Variants in LDB2 observed in about 807,000 individuals in gnomAD.
The protein encoded by LDB2 is LIM domain binding 2, also known as LIM domain-binding protein 2.
In LDB2, 12 loss-of-function variants were observed where a neutral mutation model predicts 44.3. The ratio of observed to expected loss-of-function variants is 0.27; its 90% confidence interval spans 0.17 to 0.44. The LOEUF (loss-of-function observed/expected upper bound fraction) is 0.44, where lower values mean the gene tolerates loss of function less well. Ranked by LOEUF, LDB2 falls within the 20% of genes least tolerant of loss-of-function variation. LDB2 has a pLI of 1.00. For synonymous variants in LDB2, 164 were observed against 174.8 expected (o/e 0.94, Z 0.49); for missense variants, 344 against 473.5 (o/e 0.73, Z 2.54).
At chr4:16,561,440 C>G (rs1222621253) in intron 5 of LDB2, among the ~76,000 whole-genome samples, 3 of 151,998 alleles carry the variant, frequency 2.0e-5, no homozygotes, top group African/African-American at 4.8e-5. Context: ...AAACAGAGAG[C>G]CAAAACATGA....
rs188872251 is a variant in LDB2 at position 16,880,516 on chromosome 4, G to A, written c.132+17838C>T. ...CTGTGCCTGAAAAGAGAGGAACAGC[G>A]CTTGTCTGCATGGTGCTTATAGTTA... On this transcript the variant is annotated intron_variant, in intron 1 of 7. Coordinates refer to ENST00000304523, the MANE Select transcript of LDB2 (RefSeq NM_001290.5). 5.3e-5 allele frequency among the ~76,000 whole-genome samples: 8 copies of A among 152,258 alleles called. No homozygotes were observed. The South Asian group carries it at 6.2e-4, about 12-fold the overall frequency.
At chr4:16,896,392 A>G (rs1725010233) in intron 1 of LDB2, among the ~76,000 whole-genome samples, 1 of 152,082 alleles carries the variant, frequency 6.6e-6, no homozygotes, top group African/African-American at 2.4e-5. Context: ...CAAACCTGGG[A>G]CCATATTGAA....
rs1413287654 is a variant in LDB2, at chr4:16,749,586, A to AT, written c.235+9571_235+9572insA. 2.3e-3 allele frequency among the ~76,000 whole-genome samples: 317 copies of AT among 135,442 alleles called. 2 individuals are homozygous for AT. Among genetic ancestry groups the AT allele is most frequent in the South Asian group, 6.1e-3 (24 of 3,966 alleles). 88.9% of individuals were successfully genotyped at this position (135,442 alleles called of 152,430 possible). On this transcript the variant is annotated intron_variant, in intron 2 of 7. Coordinates refer to ENST00000304523, the MANE Select transcript of LDB2 (RefSeq NM_001290.5). Reference sequence around the variant, plus strand: ...AAAAAAAAAAAATAAAAAAATAAAAAAAAATATATATATATATATATGAGT... The same window carrying AT: ...AAAAAAAAAAAATAAAAAAATAAAAATAAAATATATATATATATATATGAGT...
At chr4:16,573,191 G>A (rs1044253556) in intron 5 of LDB2, among the ~76,000 whole-genome samples, 11 of 152,194 alleles carry the variant, frequency 7.2e-5, no homozygotes, top group African/African-American at 2.7e-4. Flanking sequence ...ATTCCATTAG[G>A]TGCATATAGT....
At chr4:16,898,267 C>A in intron 1 of LDB2, 87 bp downstream of exon 1, 1 of 1,337,806 alleles carries the variant, frequency 7.5e-7, no homozygotes. Context: ...GGACACTTCC[C>A]ATAGAATTCA....
At chr4:16,620,964 G>A (rs1014893164) in intron 2 of LDB2, among the ~76,000 whole-genome samples, 12 of 152,076 alleles carry the variant, frequency 7.9e-5, no homozygotes, top group Non-Finnish European at 1.0e-4. Flanking sequence ...GCTTTATCAC[G>A]GTGTCCTTTG....
At chr4:16,701,793 T>C (rs906185885) in intron 2 of LDB2, among the ~76,000 whole-genome samples, 1 of 152,184 alleles carries the variant, frequency 6.6e-6, no homozygotes, top group Non-Finnish European at 1.5e-5. Context: ...AAACTTTCCA[T>C]GTCATGTTTT....
chr4:16,766,464 ATATATGTGTG>A (rs1180912535), intron 1 of LDB2, among the ~76,000 whole-genome samples: 1 of 14,798 alleles, frequency 6.8e-5, no homozygotes, highest in African/African-American at 1.5e-4. Context: ...ATACACACAC[ATATATGTGTG>A]TGTGTGTGTG....
chr4:16,669,276 T>G (rs967729201), intron 2 of LDB2, among the ~76,000 whole-genome samples: 13 of 152,236 alleles, frequency 8.5e-5, no homozygotes, highest in African/African-American at 3.1e-4. Context: ...CAGTTCTTGT[T>G]CCTTGCCCTA....
intron 1 of LDB2, among the ~76,000 whole-genome samples, chr4:16,835,001 C>A (rs951890003): frequency 3.3e-5 from 5 of 152,078 alleles, no homozygotes; most frequent in Admixed American, 2.0e-4. Flanking sequence ...GAGGAAATAC[C>A]TTGTCCCAAA....
intron 1 of LDB2, among the ~76,000 whole-genome samples, chr4:16,872,921 C>A (rs993187478): frequency 3.3e-5 from 5 of 152,166 alleles, no homozygotes; most frequent in African/African-American, 1.2e-4. Flanking sequence ...CTGTCCAGAT[C>A]ATTGTCGGGG....
intron 1 of LDB2, among the ~76,000 whole-genome samples, chr4:16,791,558 A>AAAAAAAAAAAAAG (rs1775749382): frequency 6.7e-6 from 1 of 149,032 alleles, no homozygotes; most frequent in Non-Finnish European, 1.5e-5. Context: ...CTGGCTCAGA[A>AAAAAAAAAAAAAG]AAAAAAAAAA....
At chr4:16,525,263 T>C (rs961437095) in intron 5 of LDB2, among the ~76,000 whole-genome samples, 1 of 152,202 alleles carries the variant, frequency 6.6e-6, no homozygotes, top group Non-Finnish European at 1.5e-5. Context: ...TTCTCTCTCT[T>C]GGTTCTGGGC....
rs1721009811 is a variant in LDB2, at chr4:16,596,658, A to C, written c.236-783T>G. 2.0e-5 allele frequency among the ~76,000 whole-genome samples: 3 copies of C among 152,320 alleles called. No individual in the cohort carries two copies. In the South Asian group the frequency reaches 6.2e-4, roughly 32 times the overall value. ...ATTCTATCTGCTTTTGGAGCTGTGT[A>C]AGATCTCTCTCTAGAATAAAAGGCT... On this transcript the variant is annotated intron_variant, in intron 2 of 7. Coordinates refer to ENST00000304523, the MANE Select transcript of LDB2 (RefSeq NM_001290.5).
At chr4:16,673,388 G>A (rs1032750707) in intron 2 of LDB2, among the ~76,000 whole-genome samples, 7 of 152,158 alleles carry the variant, frequency 4.6e-5, no homozygotes, top group Non-Finnish European at 1.0e-4. Context: ...GAACTCCAAA[G>A]TCAAGGTTAC....
chr4:16,563,529 A>C (rs1401385566), intron 5 of LDB2, among the ~76,000 whole-genome samples: 1 of 138,934 alleles, frequency 7.2e-6, no homozygotes, highest in Non-Finnish European at 1.5e-5. Context: ...GCTCACTGCA[A>C]ACTCCGCCTC....
chr4:16,742,777 G>A (rs901793493), intron 2 of LDB2, among the ~76,000 whole-genome samples: 13 of 152,298 alleles, frequency 8.5e-5, no homozygotes, highest in African/African-American at 3.1e-4. Context: ...CCACAGAGTA[G>A]CAAGTTCTAG....
chr4:16,609,353 G>GT (rs1553923639), intron 2 of LDB2, among the ~76,000 whole-genome samples: 1 of 66,250 alleles, frequency 1.5e-5, no homozygotes, highest in Admixed American at 1.7e-4. Flanking sequence ...GGAGGGGGCG[G>GT]GGGGGGGAGG....
chr4:16,833,364 A>C (rs551872713), intron 1 of LDB2, among the ~76,000 whole-genome samples: 1 of 152,332 alleles, frequency 6.6e-6, no homozygotes, highest in South Asian at 2.1e-4. Context: ...GTCCTTGAGA[A>C]GTATGTACAA....
Sources: gnomAD v4.1 joint callset for allele counts (sites outside exome capture counted in the v4.1 genomes callset) on GRCh38, gnomAD v4.1.1 for gene constraint, MANE v1.5 for transcripts, NCBI Gene and HGNC (gene_info 2026-07-23, HGNC 2026-07-21) for gene names.